Variants in DPYSL5 observed in about 807,000 individuals in gnomAD.
DPYSL5 encodes dihydropyrimidinase-related protein 5.
A neutral mutation model predicts 58.4 loss-of-function variants in DPYSL5; 9 were observed. The ratio of observed to expected loss-of-function variants is 0.15; its 90% CI spans 0.09 to 0.27. The LOEUF (loss-of-function observed/expected upper bound fraction) is 0.27. DPYSL5 is among the 10% of genes least tolerant of loss of function. DPYSL5 has a pLI of 1.00. For synonymous variants in DPYSL5, 293 were observed against 301.9 expected (o/e 0.97, Z 0.31); for missense variants, 499 against 770.6 (o/e 0.65, Z 4.17).
intron 1 of DPYSL5, among the ~76,000 whole-genome samples, chr2:26,888,155 T>C (rs1421933240): frequency 6.6e-6 from 1 of 152,314 alleles, no homozygotes; most frequent in African/African-American, 2.4e-5. Flanking sequence ...TAGAATTCCA[T>C]ACTTCTGATT....
chr2:26,880,316 C>T (rs1179551377), intron 1 of DPYSL5, among the ~76,000 whole-genome samples: 2 of 152,234 alleles, frequency 1.3e-5, no homozygotes, highest in African/African-American at 2.4e-5. Flanking sequence ...CCCAGTTAAC[C>T]CACTGCACCC....
chr2:26,855,281 T>A (rs1416221439), intron 1 of DPYSL5, among the ~76,000 whole-genome samples: 1 of 151,734 alleles, frequency 6.6e-6, no homozygotes, highest in Non-Finnish European at 1.5e-5. Context: ...TACAAAAATT[T>A]AGCTGGGCGT....
chr2:26,912,414 G>C (rs747939756), intron 2 of DPYSL5, among the ~76,000 whole-genome samples: 21 of 152,218 alleles, frequency 1.4e-4, no homozygotes, highest in Non-Finnish European at 2.1e-4. Context: ...GGAGAAAGCG[G>C]AGTTACATGT....
chr2:26,863,586 A>G (rs1045510284), intron 1 of DPYSL5, among the ~76,000 whole-genome samples: 1 of 152,194 alleles, frequency 6.6e-6, no homozygotes, highest in Non-Finnish European at 1.5e-5. Flanking sequence ...GAGTTCACCC[A>G]TACTAAGTGT....
At chr2:26,930,956 A>G (rs1664955940) in intron 5 of DPYSL5, among the ~76,000 whole-genome samples, 1 of 149,942 alleles carries the variant, frequency 6.7e-6, no homozygotes, top group Non-Finnish European at 1.5e-5. Flanking sequence ...CCTGGGCGAC[A>G]GAGCAAGACT....
chr2:26,903,264 G>A (rs1664207023), intron 2 of DPYSL5, among the ~76,000 whole-genome samples: 3 of 152,188 alleles, frequency 2.0e-5, no homozygotes, highest in Middle Eastern at 6.8e-3. Context: ...AGAGAATGGG[G>A]TTTCGCTATG....
intron 1 of DPYSL5, among the ~76,000 whole-genome samples, chr2:26,866,469 AACAC>A (rs57210677): frequency 4.7e-4 from 70 of 148,632 alleles, no homozygotes; most frequent in African/African-American, 1.4e-3. Flanking sequence ...TCATTATGCA[AACAC>A]ACACACACAC....
At chr2:26,894,934 C>T (rs1305861287) in intron 1 of DPYSL5, among the ~76,000 whole-genome samples, 1 of 152,164 alleles carries the variant, frequency 6.6e-6, no homozygotes, top group African/African-American at 2.4e-5. Context: ...TCAGTGGTGT[C>T]ATATGTGGTT....
rs1213753595 is a variant in DPYSL5 at position 26,849,257 on chromosome 2, G to T, written c.-5+1003G>T. On this transcript the variant is annotated intron_variant, in intron 1 of 12. Transcript: ENST00000288699. This position sits in a 1 kb window ranked among gnomAD's most constrained non-coding sequence, Gnocchi z 6.2. ...GGAGGGATGCAGGCGGGTGGAGGCC[G>T]CCTGGGTTTGAGGAGGGAGGACGGG... 2.6e-5 allele frequency among the ~76,000 whole-genome samples: 4 copies of T among 151,878 alleles called. No homozygotes were observed. The highest frequency in any genetic ancestry group is 4.8e-5 in the African/African-American group (2 of 41,376).
rs1029294760 is a variant in DPYSL5 at position 26,849,150 on chromosome 2, G to A, written c.-5+896G>A. 1.3e-5 allele frequency among the ~76,000 whole-genome samples: 2 copies of A among 151,816 alleles called. No homozygotes were observed. Among genetic ancestry groups the A allele is most frequent in the Non-Finnish European group, 1.5e-5 (1 of 67,900 alleles). On this transcript the variant is annotated intron_variant, in intron 1 of 12. Coordinates refer to ENST00000288699, the MANE Select transcript of DPYSL5 (RefSeq NM_020134.4). This position sits in a 1 kb window ranked among gnomAD's most constrained non-coding sequence, Gnocchi z 6.2. ...TTTGAGGAGGAAAGAGAAGGGGCGGGGGCGGGTCCGAAGAACGAGGGAAGG... is the reference window on the plus strand; with the variant it reads ...TTTGAGGAGGAAAGAGAAGGGGCGGAGGCGGGTCCGAAGAACGAGGGAAGG...
rs1486272911 is a variant in DPYSL5 at position 26,944,886 on chromosome 2, G to T, written c.1609+62G>T. ...CTGGGAGAAGTGGCCCACCTAGGCA[G>T]TGGGACTTACGCCTGCTTTTCTTTT... On this transcript the variant is annotated intron_variant, in intron 12 of 12. Transcript: ENST00000288699. The surrounding 1 kb of genome is among the most constrained non-coding windows in gnomAD (Gnocchi z 4.4). 83 of 1,528,478 alleles carry T rather than the reference G, an allele frequency of 5.4e-5. No individual in the cohort carries two copies. Among genetic ancestry groups the T allele is most frequent in the Non-Finnish European group, 4.7e-5 (52 of 1,115,462 alleles). The allele number at this position is 1,528,478 out of a possible 1,614,324, so 94.7% of individuals were successfully genotyped here. A position where few individuals can be genotyped will look rare whatever the true frequency, so the allele number is the denominator to read the frequency against.
chr2:26,942,813 A>T lies in DPYSL5; in HGVS notation c.1440+63A>T. On this transcript the variant is annotated intron_variant, in intron 11 of 12. Coordinates refer to ENST00000288699, the MANE Select transcript of DPYSL5 (RefSeq NM_020134.4). The surrounding 1 kb of genome is among the most constrained non-coding windows in gnomAD (Gnocchi z 5.9). ...CCCCTGCCGGGGAACATCCTCCATG[A>T]CTGTTTTAAATCTCAAAGAGATGTT... is the stretch of plus-strand genomic sequence containing the variant. 6.4e-7 allele frequency: 1 copy of T among 1,562,722 alleles called. No individual in the cohort carries two copies. The highest frequency in any genetic ancestry group is 1.1e-5 in the South Asian group (1 of 88,890).
chr2:26,949,797 C>G lies in DPYSL5; in HGVS notation c.*2802C>G, dbSNP rs1300189344. ...AGGAGCCAAATGAGCGGTCAGCCCC[C>G]ACCATGCACTCCTTGCCCCGTGCAG... On this transcript the variant is annotated 3_prime_UTR_variant, in exon 13 of 13. Transcript: ENST00000288699. The G allele has an allele frequency of 1.3e-5, 2 of 152,592 alleles. No homozygotes were observed. The highest frequency in any genetic ancestry group is 2.9e-5 in the Non-Finnish European group (2 of 68,386). The allele number at this position is 152,592 out of a possible 1,614,324, so 9.5% of individuals were successfully genotyped here. A position where few individuals can be genotyped will look rare whatever the true frequency, so the allele number is the denominator to read the frequency against.
intron 2 of DPYSL5, among the ~76,000 whole-genome samples, chr2:26,920,356 C>CT (rs1664673853): frequency 6.6e-6 from 1 of 152,146 alleles, no homozygotes; most frequent in African/African-American, 2.4e-5. Flanking sequence ...ATTTTAAATA[C>CT]TGCAGTTTTA....
intron 4 of DPYSL5, 40 bp from the exon 5 acceptor site, chr2:26,928,215 C>G: frequency 1.9e-6 from 3 of 1,605,246 alleles, no homozygotes; most frequent in Non-Finnish European, 2.6e-6. Flanking sequence ...CACGGTGTCT[C>G]TGTGATTCTC....
chr2:26,856,956 C>CATATATAATATATGTAA (rs1558319139), intron 1 of DPYSL5, among the ~76,000 whole-genome samples: 1 of 143,644 alleles, frequency 7.0e-6, no homozygotes, highest in African/African-American at 2.8e-5. Flanking sequence ...ATATATTATA[C>CATATATAATATATGTAA]TAGTTTTCAA....
rs182633308 is a variant in DPYSL5 at position 26,852,191 on chromosome 2, A to T, written c.-5+3937A>T. On this transcript the variant is annotated intron_variant, in intron 1 of 12. Coordinates refer to ENST00000288699, the MANE Select transcript of DPYSL5 (RefSeq NM_020134.4). ...TCCTGTAGAACAAGATATCTTTGTC[A>T]ACATGAAGTCCTGTAGGGAAAACTT... is the stretch of plus-strand genomic sequence containing the variant. Among the ~76,000 whole-genome samples the T allele has an allele frequency of 4.3e-3, 653 of 152,380 alleles. 8 individuals carry two copies. The highest frequency in any genetic ancestry group is 0.021 in the South Asian group (103 of 4,834).
intron 1 of DPYSL5, among the ~76,000 whole-genome samples, chr2:26,851,946 C>CA (rs61279420): frequency 0.024 from 3,464 of 144,708 alleles, 139 homozygotes; most frequent in African/African-American, 0.08. Context: ...GACTCTATCT[C>CA]AAAAAAAAAA....
chr2:26,867,030 G>A (rs1326294587), intron 1 of DPYSL5, among the ~76,000 whole-genome samples: 1 of 151,882 alleles, frequency 6.6e-6, no homozygotes, highest in African/African-American at 2.4e-5. Context: ...CACCGAGCCT[G>A]GACTAAAAAT....
Sources: gnomAD v4.1 joint callset for allele counts (sites outside exome capture counted in the v4.1 genomes callset) on GRCh38, gnomAD v4.1.1 for gene constraint, Gnocchi (gnomAD v3.1) non-coding constraint, MANE v1.5 for transcripts, NCBI Gene and HGNC (gene_info 2026-07-23, HGNC 2026-07-21) for gene names.